Variants in PLXNA2 observed in about 807,000 individuals in gnomAD.
PLXNA2 encodes plexin A2, also known as plexin-A2.
In PLXNA2, 91 loss-of-function variants were observed where a neutral mutation model predicts 193.5. That is an observed-to-expected ratio of 0.47 (90% CI 0.40 to 0.56). The LOEUF is 0.56. Among genes scored for constraint, PLXNA2 ranks in the 20% least tolerant of loss-of-function variants. PLXNA2 has a pLI of 0.00. For missense variants in PLXNA2, 1,995 were observed against 2,503.2 expected (o/e 0.80, Z 4.33); for synonymous variants, 997 against 1,027.3 (o/e 0.97, Z 0.56).
chr1:208,037,870 G>A (rs988244476), intron 26 of PLXNA2, among the ~76,000 whole-genome samples: 1 of 151,874 alleles, frequency 6.6e-6, no homozygotes, highest in Non-Finnish European at 1.5e-5. Flanking sequence ...AGACAAGAAA[G>A]CCTGAGTAAT....
Position 208,025,970 on chromosome 1 carries a change from G to A in PLXNA2, c.*1273C>T, listed in dbSNP as rs905429183. The A allele has an allele frequency of 9.2e-5, 14 of 152,662 alleles. No individual in the cohort carries two copies. The highest frequency in any genetic ancestry group is 3.1e-4 in the African/African-American group (13 of 41,456). The allele number at this position is 152,662 out of a possible 1,614,324, so 9.5% of individuals were successfully genotyped here. A position where few individuals can be genotyped will look rare whatever the true frequency, so the allele number is the denominator to read the frequency against. ...TGGTCAGGAGCTTCCGTATATGAGC[G>A]AAGGGTGGTCTCCCCTCTCCAGGCA... On this transcript the variant is annotated 3_prime_UTR_variant, in exon 32 of 32. Transcript: ENST00000367033.
At chr1:208,201,690 T>C (rs754188499) in intron 3 of PLXNA2, among the ~76,000 whole-genome samples, 10 of 152,170 alleles carry the variant, frequency 6.6e-5, no homozygotes, top group Non-Finnish European at 1.5e-4. Flanking sequence ...TTTTTACACA[T>C]GATTTTATTT....
At chr1:208,186,752 G>A (rs1396023124) in intron 3 of PLXNA2, among the ~76,000 whole-genome samples, 2 of 134,438 alleles carry the variant, frequency 1.5e-5, no homozygotes, top group Non-Finnish European at 1.6e-5. Flanking sequence ...TCGCTCTGTC[G>A]CCCAGGCGGG....
At chr1:208,054,589 G>A (rs748500929) in intron 13 of PLXNA2, 51 bp from the exon 14 acceptor site, 13 of 1,255,304 alleles carry the variant, frequency 1.0e-5, no homozygotes, top group Middle Eastern at 1.9e-4. Context: ...GGCTGGCATC[G>A]CTGTTCACTT....
intron 1 of PLXNA2, among the ~76,000 whole-genome samples, chr1:208,223,682 T>C (rs1265315268): frequency 6.6e-6 from 1 of 152,228 alleles, no homozygotes. Flanking sequence ...TTGGGGGCTA[T>C]GGTGTCCTCT....
At chr1:208,219,815 A>T (rs1403749718) in intron 1 of PLXNA2, among the ~76,000 whole-genome samples, 1 of 152,180 alleles carries the variant, frequency 6.6e-6, no homozygotes, top group Admixed American at 6.5e-5. Flanking sequence ...CAACACCGGC[A>T]TGAGACTCAG....
intron 1 of PLXNA2, among the ~76,000 whole-genome samples, chr1:208,233,700 T>A (rs1371706976): frequency 6.6e-6 from 1 of 152,196 alleles, no homozygotes; most frequent in African/African-American, 2.4e-5. Context: ...GCCAGCACAG[T>A]TTGCAGGCAG....
At chr1:208,066,256 T>A (rs1376980781) in intron 12 of PLXNA2, among the ~76,000 whole-genome samples, 1 of 152,190 alleles carries the variant, frequency 6.6e-6, no homozygotes, top group Non-Finnish European at 1.5e-5. Flanking sequence ...AGAAAGAATA[T>A]CCTAGAAGCA....
intron 3 of PLXNA2, among the ~76,000 whole-genome samples, chr1:208,192,899 AAAAAG>A (rs371371867): frequency 1.5e-4 from 15 of 100,694 alleles, no homozygotes; most frequent in East Asian, 5.2e-4. Flanking sequence ...AAAGAAAAAG[AAAAAG>A]AAAAAAAAAA....
At position 208,033,661 on chromosome 1, in the gene PLXNA2, T is replaced by G. The variant is rs1450238996; in HGVS notation, c.4865-152A>C. The G allele has an allele frequency of 9.3e-6, 5 of 537,036 alleles. No individual in the cohort carries two copies. In the East Asian group the frequency reaches 1.6e-4, roughly 17 times the overall value. The allele number at this position is 537,036 out of a possible 1,614,324, so 33.3% of individuals were successfully genotyped here. A position where few individuals can be genotyped will look rare whatever the true frequency, so the allele number is the denominator to read the frequency against. Reference sequence around the variant, plus strand: ...CGTTGGGACCTCATATATGGTAGGTTATTTTAGGGATCCTTGGTTGGCATG... The same window carrying G: ...CGTTGGGACCTCATATATGGTAGGTGATTTTAGGGATCCTTGGTTGGCATG... On this transcript the variant is annotated intron_variant, in intron 27 of 31. Coordinates refer to ENST00000367033, the MANE Select transcript of PLXNA2 (RefSeq NM_025179.4).
chr1:208,225,273 T>A (rs58631672), intron 1 of PLXNA2, among the ~76,000 whole-genome samples: 1 of 152,292 alleles, frequency 6.6e-6, no homozygotes, highest in African/African-American at 2.4e-5. Flanking sequence ...AATGTGTTCT[T>A]ATTTGAGACG....
intron 3 of PLXNA2, among the ~76,000 whole-genome samples, chr1:208,177,613 G>A (rs1044796491): frequency 1.8e-4 from 27 of 152,190 alleles, no homozygotes; most frequent in Admixed American, 1.4e-3. Flanking sequence ...TCAAGGGATC[G>A]CAGAAAGAGT....
At chr1:208,136,448 C>T (rs577512337) in intron 4 of PLXNA2, among the ~76,000 whole-genome samples, 38 of 152,266 alleles carry the variant, frequency 2.5e-4, no homozygotes, top group African/African-American at 8.4e-4. Context: ...TTGTTACTTA[C>T]GTGGAGAAAC....
At chr1:208,200,574 CTTCTTT>C (rs1670514252) in intron 3 of PLXNA2, among the ~76,000 whole-genome samples, 2 of 114,680 alleles carry the variant, frequency 1.7e-5, no homozygotes, top group African/African-American at 3.1e-5. Context: ...TATCCCAATC[CTTCTTT>C]TTTTTTTTTT....
At chr1:208,152,793 A>G (rs890441192) in intron 3 of PLXNA2, among the ~76,000 whole-genome samples, 17 of 151,606 alleles carry the variant, frequency 1.1e-4, no homozygotes, top group African/African-American at 4.1e-4. Flanking sequence ...TCTAGCTAAC[A>G]TGGCCTTCTC....
At chr1:208,182,522 G>C (rs1669877810) in intron 3 of PLXNA2, among the ~76,000 whole-genome samples, 1 of 152,114 alleles carries the variant, frequency 6.6e-6, no homozygotes, top group Non-Finnish European at 1.5e-5. Flanking sequence ...CATAGCTACT[G>C]AAAGCGTCTT....
At chr1:208,143,004 C>G (rs921335609) in intron 3 of PLXNA2, among the ~76,000 whole-genome samples, 3 of 152,200 alleles carry the variant, frequency 2.0e-5, no homozygotes, top group Non-Finnish European at 4.4e-5. Flanking sequence ...GTCCACAAAT[C>G]CACCCTGTGA....
intron 1 of PLXNA2, among the ~76,000 whole-genome samples, chr1:208,229,942 C>T (rs1041423057): frequency 2.0e-5 from 3 of 152,170 alleles, no homozygotes; most frequent in South Asian, 2.1e-4. Flanking sequence ...CCTTTGGAGA[C>T]GGACCTGGGC....
Position 208,079,441 on chromosome 1 carries a change from T to C in PLXNA2, c.2405A>G (p.Tyr802Cys). The C allele has an allele frequency of 1.3e-6, 2 of 1,590,622 alleles. No individual in the cohort carries two copies. The highest frequency in any genetic ancestry group is 1.7e-6 in the Non-Finnish European group (2 of 1,165,742). ...GCTCTCCCGCTGGGCTGCACACTTG[T>C]AGAGATGGACTGCAAAGAGAGCAGG... Reference protein sequence around the residue: ...DNPQDLKVHLYKCAAQRESCG... With the variant: ...DNPQDLKVHLCKCAAQRESCG... Residue 802 changes from tyrosine to cysteine, a missense_variant, in exon 12 of 32, where the codon TAC (tyrosine) becomes TGC (cysteine). Around this residue, in one of 3 missense-constraint regions of PLXNA2, gnomAD observed 1,291 missense variants for 1,673.6 expected, o/e 0.77. Transcript: ENST00000367033.
Sources: gnomAD v4.1 joint callset for allele counts (sites outside exome capture counted in the v4.1 genomes callset) on GRCh38, gnomAD v4.1.1 for gene constraint, gnomAD v4.1.1 regional missense constraint, MANE v1.5 for transcripts, NCBI Gene and HGNC (gene_info 2026-07-23, HGNC 2026-07-21) for gene names.